Variants in CCDC3 observed in about 807,000 individuals in gnomAD.
CCDC3 encodes coiled-coil domain-containing protein 3.
In CCDC3, 24 loss-of-function variants were observed where a neutral mutation model predicts 21.4. The ratio of observed to expected loss-of-function variants is 1.12; its 90% confidence interval spans 0.81 to 1.58. The LOEUF (loss-of-function observed/expected upper bound fraction) is 1.58, where lower values mean the gene tolerates loss of function less well. Among genes scored for constraint, CCDC3 ranks in the 40% most tolerant of loss-of-function variants. The pLI is 0.00. For missense variants in CCDC3, 425 were observed against 360.9 expected (o/e 1.18, Z -1.44); for synonymous variants, 186 against 166.0 (o/e 1.12, Z -0.93).
chr10:13,033,353 A>G (rs78517517), intron 5 of CCDC3, among the ~76,000 whole-genome samples: 57,533 of 152,056 alleles, frequency 0.38, 11,416 homozygotes, highest in East Asian at 0.71. Flanking sequence ...AGATGGATTA[A>G]ATACTTAAAT....
At chr10:13,014,215 A>T (rs1164350245) in intron 5 of CCDC3, among the ~76,000 whole-genome samples, 5 of 151,862 alleles carry the variant, frequency 3.3e-5, no homozygotes, top group Admixed American at 2.6e-4. Flanking sequence ...GCACTTTGGG[A>T]GGCTGAGGCG....
In CCDC3 at chr10:13,040,687, T is replaced by TCTCACACACA. The variant is rs1554763771; in HGVS notation, c.-2+8986_-2+8987insTGTGTGTGAG. On this transcript the variant is annotated intron_variant, in intron 5 of 6. Coordinates refer to the CCDC3 transcript ENST00000378839. Reference sequence around the variant, plus strand: ...CCTGGGCAACAAGAGCAAAACTCTGTCACACACACACACACACACACACAC... The same window carrying TCTCACACACA: ...CCTGGGCAACAAGAGCAAAACTCTGTCTCACACACACACACACACACACACACACACACAC... Among the ~76,000 whole-genome samples the TCTCACACACA allele has an allele frequency of 1.4e-3, 193 of 142,850 alleles. 2 individuals carry two copies. Among genetic ancestry groups the TCTCACACACA allele is most frequent in the East Asian group, 7.1e-3 (35 of 4,928 alleles). 93.7% of individuals were successfully genotyped at this position (142,850 alleles called of 152,430 possible).
chr10:13,050,961 A>C (rs1259132867), intron 4 of CCDC3, among the ~76,000 whole-genome samples: 5 of 151,756 alleles, frequency 3.3e-5, no homozygotes, highest in African/African-American at 1.2e-4. Context: ...TAATTTAAAA[A>C]AATTTTTTTT....
At chr10:13,031,994 G>C (rs914616804) in intron 5 of CCDC3, among the ~76,000 whole-genome samples, 3 of 152,158 alleles carry the variant, frequency 2.0e-5, no homozygotes, top group Admixed American at 2.0e-4. Flanking sequence ...CATTTTATGA[G>C]GCCAGCATCA....
At position 13,013,748 on chromosome 10, in the gene CCDC3, C is replaced by T. The variant is rs193197686; in HGVS notation, c.-1-15236G>A. On this transcript the variant is annotated intron_variant, in intron 5 of 6. Coordinates refer to the CCDC3 transcript ENST00000378839. ...TAAACATGAGGAAATATCAGATAAA[C>T]ACAAATTGAGGAACATTCTACAAAA... 3.6e-3 allele frequency among the ~76,000 whole-genome samples: 547 copies of T among 152,166 alleles called. 5 individuals carry two copies. Among genetic ancestry groups the T allele is most frequent in the African/African-American group, 0.013 (520 of 41,528 alleles).
Position 12,898,686 on chromosome 10 carries a change from G to A in CCDC3, c.550-7C>T. 6.2e-7 allele frequency: 1 copy of A among 1,613,668 alleles called. No individual in the cohort carries two copies. The highest frequency in any genetic ancestry group is 8.5e-7 in the Non-Finnish European group (1 of 1,179,624). On this transcript the variant is annotated splice_polypyrimidine_tract_variant and splice_region_variant and intron_variant, in intron 2 of 2. Transcript: ENST00000378825. The stretch of plus-strand genomic sequence containing the variant: ...GCACCGAGGAGCACATGAGCTGGAG[G>A]CAGAGACAGCGTGCAAGGAGAGGAG...
intron 2 of CCDC3, among the ~76,000 whole-genome samples, chr10:12,943,584 T>C (rs1243075291): frequency 6.6e-6 from 1 of 152,046 alleles, no homozygotes; most frequent in East Asian, 1.9e-4. Flanking sequence ...ACATGTGCAG[T>C]AGAAAGGCAG....
intron 2 of CCDC3, among the ~76,000 whole-genome samples, chr10:12,970,083 A>T (rs1249353044): frequency 6.6e-6 from 1 of 152,138 alleles, no homozygotes; most frequent in Non-Finnish European, 1.5e-5. Context: ...ATGGGTTTTT[A>T]GGGTTTTTTC....
At position 13,001,179 on chromosome 10, in the gene CCDC3, C is replaced by T. The variant is rs1463811530; in HGVS notation, c.374+18G>A. 4.5e-6 allele frequency: 7 copies of T among 1,542,528 alleles called. No individual in the cohort carries two copies. The highest frequency in any genetic ancestry group is 4.0e-5 in the Admixed American group (2 of 50,206). On this transcript the variant is annotated intron_variant, in intron 1 of 2. Transcript: ENST00000378825. ...GCGCAGAGAGAGAGAGAGGTGGCGG[C>T]GGCGCCGCCGGGCTCACCTGAGGAA...
chr10:12,993,291 T>C (rs1354550786), intron 2 of CCDC3, among the ~76,000 whole-genome samples: 1 of 152,156 alleles, frequency 6.6e-6, no homozygotes, highest in Non-Finnish European at 1.5e-5. Flanking sequence ...TTCTATTTTA[T>C]AGAAGGGAAA....
At chr10:12,968,538 T>C (rs1214984016) in intron 2 of CCDC3, among the ~76,000 whole-genome samples, 15 of 152,176 alleles carry the variant, frequency 9.9e-5, no homozygotes, top group Non-Finnish European at 1.9e-4. Context: ...GGAAAATACA[T>C]CAAAGTATAA....
intron 3 of CCDC3, among the ~76,000 whole-genome samples, chr10:13,088,359 T>TA (rs1483312559): frequency 6.6e-6 from 1 of 152,080 alleles, no homozygotes; most frequent in African/African-American, 2.4e-5. Context: ...ACTCTTAGAA[T>TA]AAATGAAAAG....
chr10:13,067,079 A>G (rs893700790), intron 4 of CCDC3, among the ~76,000 whole-genome samples: 6 of 152,136 alleles, frequency 3.9e-5, no homozygotes, highest in Non-Finnish European at 8.8e-5. Flanking sequence ...TTTCGCTTCC[A>G]AGCCTTTTTG....
chr10:13,080,040 G>C (rs1047581841), intron 3 of CCDC3, among the ~76,000 whole-genome samples: 1 of 152,218 alleles, frequency 6.6e-6, no homozygotes, highest in African/African-American at 2.4e-5. Flanking sequence ...AAGACAAGGG[G>C]GCCCTCTGGC....
chr10:13,020,722 A>T (rs1836134439), intron 5 of CCDC3, among the ~76,000 whole-genome samples: 1 of 152,192 alleles, frequency 6.6e-6, no homozygotes, highest in Non-Finnish European at 1.5e-5. Context: ...CACTCAATTG[A>T]GGAAGATACT....
chr10:13,096,681 C>T (rs1424848692), intron 3 of CCDC3, among the ~76,000 whole-genome samples: 3 of 152,326 alleles, frequency 2.0e-5, no homozygotes, highest in African/African-American at 7.2e-5. Flanking sequence ...TTCTAGGGAA[C>T]AGTCTCTGCT....
intron 2 of CCDC3, among the ~76,000 whole-genome samples, chr10:12,973,553 C>A (rs1026417153): frequency 1.1e-4 from 17 of 152,194 alleles, no homozygotes; most frequent in Admixed American, 6.5e-5. Flanking sequence ...TGGAAGTCTC[C>A]CCTAAAAGGT....
At chr10:12,934,889 A>C (rs1417414529) in intron 2 of CCDC3, among the ~76,000 whole-genome samples, 5 of 151,894 alleles carry the variant, frequency 3.3e-5, no homozygotes, top group Non-Finnish European at 4.4e-5. Flanking sequence ...TCGGCCTCCC[A>C]CAGTGTTTGG....
chr10:12,935,562 T>TA (rs1337255715), intron 2 of CCDC3, among the ~76,000 whole-genome samples: 1 of 152,248 alleles, frequency 6.6e-6, no homozygotes, highest in African/African-American at 2.4e-5. Context: ...ATTGAGCATT[T>TA]TATATTATTT....
Sources: allele counts gnomAD v4.1 joint callset (sites outside exome capture counted in the v4.1 genomes callset), GRCh38; gene constraint gnomAD v4.1.1; transcripts MANE v1.5; gene names NCBI Gene and HGNC (gene_info 2026-07-23, HGNC 2026-07-21).